POU3F3: variants seen among roughly 807,000 people sequenced by gnomAD.
POU3F3 encodes POU class 3 homeobox 3.
POU3F3 carries 1 observed loss-of-function variant against 8.6 expected under a neutral mutation model. That is an observed-to-expected ratio of 0.12 (90% CI 0.04 to 0.55). POU3F3 has a LOEUF of 0.55. Among genes scored for constraint, POU3F3 ranks in the 20% least tolerant of loss-of-function variants. The pLI, the probability that POU3F3 is intolerant of heterozygous loss-of-function variation, is 0.91. For synonymous variants in POU3F3, 418 were observed against 327.4 expected (o/e 1.28, Z -2.99); for missense variants, 577 against 690.7 (o/e 0.84, Z 1.84).
At chr2:104,915,525 G>T in the POU3F3 span, among the ~76,000 whole-genome samples, 18 of 152,254 alleles carry the variant, frequency 1.2e-4, no homozygotes. Flanking sequence ...GAAGTTTAGG[G>T]AAGTCCCACT....
the POU3F3 span, among the ~76,000 whole-genome samples, chr2:104,912,797 G>A: frequency 3.9e-5 from 6 of 152,156 alleles, no homozygotes; most frequent in South Asian, 2.1e-4. Context: ...GTGACCCCAC[G>A]GGATGAGGAT....
chr2:104,890,573 C>A, the POU3F3 span, among the ~76,000 whole-genome samples: 5 of 152,110 alleles, frequency 3.3e-5, no homozygotes, highest in Non-Finnish European at 5.9e-5. Context: ...AAAATGCCAA[C>A]CCCTGAATGT....
downstream of POU3F3, among the ~76,000 whole-genome samples, chr2:104,859,201 A>G (rs988621775): frequency 1.3e-5 from 2 of 152,124 alleles, no homozygotes; most frequent in Admixed American, 6.5e-5. Context: ...ACTGCATACC[A>G]TCTGTGCAAT....
At chr2:104,911,254 CA>C in the POU3F3 span, among the ~76,000 whole-genome samples, 671 of 140,708 alleles carry the variant, frequency 4.8e-3, 5 homozygotes, top group African/African-American at 0.015. Context: ...CTAAAAAGTA[CA>C]AAAAAAAAAA....
At chr2:104,903,884 T>C in the POU3F3 span, among the ~76,000 whole-genome samples, 1 of 152,194 alleles carries the variant, frequency 6.6e-6, no homozygotes, top group Non-Finnish European at 1.5e-5. Context: ...GATTTTGCTT[T>C]GATAGTTACT....
the POU3F3 span, among the ~76,000 whole-genome samples, chr2:104,895,062 AGT>A: frequency 0.27 from 40,444 of 149,070 alleles, 5,566 homozygotes; most frequent in South Asian, 0.43. Context: ...TGCACAGGTG[AGT>A]GTGTGTGTGT....
chr2:104,861,483 A>G (rs1676654439), downstream of POU3F3, among the ~76,000 whole-genome samples: 1 of 152,248 alleles, frequency 6.6e-6, no homozygotes, highest in Non-Finnish European at 1.5e-5. Context: ...GCTATGTTTC[A>G]GTGATAACCT....
chr2:104,895,347 A>T, the POU3F3 span, among the ~76,000 whole-genome samples: 2 of 152,222 alleles, frequency 1.3e-5, no homozygotes, highest in African/African-American at 4.8e-5. Flanking sequence ...CACTTGGTTC[A>T]GTTCCTTCGG....
At chr2:104,867,389 C>T in the POU3F3 span, 1 of 152,282 alleles carries the variant, frequency 6.6e-6, no homozygotes, top group Non-Finnish European at 1.5e-5. This position sits in a 1 kb window ranked among gnomAD's most constrained non-coding sequence, Gnocchi z 5.0. Flanking sequence ...AAAGCTATAA[C>T]AAAGGCTCCC....
the POU3F3 span, among the ~76,000 whole-genome samples, chr2:104,921,817 G>A: frequency 6.6e-6 from 1 of 152,152 alleles, no homozygotes; most frequent in African/African-American, 2.4e-5. Flanking sequence ...CCAATATGGT[G>A]AAACCCTGTC....
the POU3F3 span, among the ~76,000 whole-genome samples, chr2:104,927,507 C>A: frequency 6.6e-6 from 1 of 152,048 alleles, no homozygotes; most frequent in Non-Finnish European, 1.5e-5. Context: ...CTAATCCCAG[C>A]ACTTTGAGAG....
At chr2:104,888,499 A>T in the POU3F3 span, among the ~76,000 whole-genome samples, 1 of 152,130 alleles carries the variant, frequency 6.6e-6, no homozygotes, top group Non-Finnish European at 1.5e-5. Context: ...TTGATCGAGG[A>T]TCTCTGAATC....
chr2:104,892,273 G>C, the POU3F3 span, among the ~76,000 whole-genome samples: 1 of 152,132 alleles, frequency 6.6e-6, no homozygotes, highest in African/African-American at 2.4e-5. Flanking sequence ...ATACCTGTTG[G>C]CCTCCATGTG....
Position 104,855,019 on chromosome 2 carries a change from G to T in POU3F3, c.-492G>T, listed in dbSNP as rs996935560. Among the ~76,000 whole-genome samples, 5 of 152,152 alleles carry T rather than the reference G, an allele frequency of 3.3e-5. No individual in the cohort carries two copies. The highest frequency in any genetic ancestry group is 2.6e-4 in the Admixed American group (4 of 15,294). ...CGGGCAGAGTCCGGGCTCGCCCGAG[G>T]ACAGGAGGAGGAGCGGGAGCCCGCG... On this transcript the variant is annotated 5_prime_UTR_variant, in exon 1 of 1. Transcript: ENST00000361360.
At chr2:104,896,610 A>T in the POU3F3 span, among the ~76,000 whole-genome samples, 1 of 146,538 alleles carries the variant, frequency 6.8e-6, no homozygotes, top group Non-Finnish European at 1.5e-5. Context: ...GGAAAGGCTG[A>T]GGTTGTGCAG....
chr2:104,923,793 T>C, the POU3F3 span, among the ~76,000 whole-genome samples: 1 of 152,206 alleles, frequency 6.6e-6, no homozygotes. Context: ...AGACTCACTT[T>C]AGCTCCAGGG....
chr2:104,911,144 T>C, the POU3F3 span, among the ~76,000 whole-genome samples: 2 of 152,034 alleles, frequency 1.3e-5, no homozygotes, highest in Non-Finnish European at 1.5e-5. Flanking sequence ...CCGGGCATGA[T>C]GGCTTACACC....
the POU3F3 span, among the ~76,000 whole-genome samples, chr2:104,879,069 C>G: frequency 1.3e-5 from 2 of 151,836 alleles, no homozygotes; most frequent in South Asian, 4.2e-4. Flanking sequence ...CACAGCACAC[C>G]CAGCACACAC....
chr2:104,886,205 C>T, the POU3F3 span, among the ~76,000 whole-genome samples: 1 of 152,104 alleles, frequency 6.6e-6, no homozygotes, highest in Non-Finnish European at 1.5e-5. Flanking sequence ...TGGATCGGGA[C>T]CCCTTTCCAG....
Sources: allele counts gnomAD v4.1 joint callset (sites outside exome capture counted in the v4.1 genomes callset), GRCh38; gene constraint gnomAD v4.1.1; non-coding constraint Gnocchi (gnomAD v3.1); transcripts MANE v1.5; gene names NCBI Gene and HGNC (gene_info 2026-07-23, HGNC 2026-07-21).